LPP: variants seen among roughly 807,000 people sequenced by gnomAD.
LPP encodes lipoma-preferred partner.
Under a neutral mutation model 60.4 loss-of-function variants are expected in LPP, and 38 were observed. The ratio of observed to expected loss-of-function variants is 0.63; its 90% CI spans 0.49 to 0.83. The LOEUF is 0.83. LPP is among the 40% of genes least tolerant of loss of function. LPP has a pLI of 0.00. For synonymous variants in LPP, 328 were observed against 290.8 expected (o/e 1.13, Z -1.30); for missense variants, 902 against 783.6 (o/e 1.15, Z -1.80).
chr3:188,727,218 T>C (rs1718753688), intron 8 of LPP, among the ~76,000 whole-genome samples: 1 of 152,194 alleles, frequency 6.6e-6, no homozygotes, highest in Admixed American at 6.6e-5. Flanking sequence ...GGGATGATTA[T>C]AAAAGTGTCT....
At chr3:188,514,688 C>A (rs140134652) in intron 5 of LPP, among the ~76,000 whole-genome samples, 8 of 152,128 alleles carry the variant, frequency 5.3e-5, no homozygotes, top group African/African-American at 1.4e-4. Flanking sequence ...GTGATCCTCC[C>A]GCCTCAGCCT....
chr3:188,362,633 G>A (rs1474378175), intron 3 of LPP, among the ~76,000 whole-genome samples: 4 of 152,104 alleles, frequency 2.6e-5, no homozygotes, highest in East Asian at 1.9e-4. Context: ...GAACACACAC[G>A]TTTTCTCTTC....
intron 7 of LPP, among the ~76,000 whole-genome samples, chr3:188,700,564 A>T (rs1344609599): frequency 1.3e-5 from 2 of 152,190 alleles, no homozygotes; most frequent in Non-Finnish European, 2.9e-5. Flanking sequence ...TTCTCCACTC[A>T]GAAAAGGGGC....
intron 8 of LPP, among the ~76,000 whole-genome samples, chr3:188,718,309 A>G (rs1490591930): frequency 6.6e-6 from 1 of 152,246 alleles, no homozygotes; most frequent in Non-Finnish European, 1.5e-5. Context: ...AGTAATGGAC[A>G]GTCTCCGATG....
chr3:188,496,811 T>C (rs1223048507), intron 5 of LPP, among the ~76,000 whole-genome samples: 1 of 152,226 alleles, frequency 6.6e-6, no homozygotes, highest in Non-Finnish European at 1.5e-5. Flanking sequence ...AATGTATCTC[T>C]ACATATTGGA....
At chr3:188,293,319 C>G (rs1746672628) in intron 2 of LPP, among the ~76,000 whole-genome samples, 1 of 152,220 alleles carries the variant, frequency 6.6e-6, no homozygotes, top group Non-Finnish European at 1.5e-5. Context: ...CCGCCTGGGG[C>G]TCTGTAACTA....
intron 2 of LPP, among the ~76,000 whole-genome samples, chr3:188,308,731 A>G (rs1416893671): frequency 6.6e-6 from 1 of 152,184 alleles, no homozygotes; most frequent in Admixed American, 6.5e-5. Flanking sequence ...TAGAGAGTAG[A>G]TAGAGCCTTG....
In LPP at chr3:188,404,138, CTTCT is replaced by C. The variant is rs147116050; in HGVS notation, c.-9-1971_-9-1968del. 4.2e-4 allele frequency among the ~76,000 whole-genome samples: 64 copies of C among 152,262 alleles called. No individual in the cohort carries two copies. The East Asian group carries it at 0.012, about 28-fold the overall frequency. On this transcript the variant is annotated intron_variant, in intron 3 of 11. Transcript: ENST00000617246. ...CATTGACTTTCTACAAGAATAGAGG[CTTCT>C]TTTTTTCTCACTTTGCATAGCACTC...
At chr3:188,297,851 A>G (rs1748452286) in intron 2 of LPP, among the ~76,000 whole-genome samples, 2 of 152,196 alleles carry the variant, frequency 1.3e-5, no homozygotes, top group Admixed American at 1.3e-4. Flanking sequence ...AGAGGTACTT[A>G]GTTGAGCTCA....
intron 2 of LPP, among the ~76,000 whole-genome samples, chr3:188,338,982 A>T (rs538573836): frequency 6.6e-6 from 1 of 151,096 alleles, no homozygotes; most frequent in South Asian, 2.1e-4. Context: ...CTTTTTCTTT[A>T]CCCCCTGTTA....
intron 8 of LPP, chr3:188,725,455 T>G (rs995063769): frequency 5.3e-5 from 8 of 152,232 alleles, no homozygotes; most frequent in African/African-American, 1.9e-4. Context: ...AGCATTGCAG[T>G]CACTTTCGAA....
chr3:188,757,239 G>A (rs370279794), intron 8 of LPP, among the ~76,000 whole-genome samples: 1 of 151,874 alleles, frequency 6.6e-6, no homozygotes, highest in African/African-American at 2.4e-5. Flanking sequence ...TGACATCGTC[G>A]AATTCATTTT....
intron 7 of LPP, among the ~76,000 whole-genome samples, chr3:188,687,103 G>A (rs1366453920): frequency 2.0e-5 from 3 of 152,168 alleles, no homozygotes; most frequent in Non-Finnish European, 2.9e-5. Context: ...GAATATATCT[G>A]GTTATAGCTT....
At chr3:188,818,848 C>T (rs1172486780) in intron 9 of LPP, among the ~76,000 whole-genome samples, 1 of 152,156 alleles carries the variant, frequency 6.6e-6, no homozygotes, top group Non-Finnish European at 1.5e-5. Flanking sequence ...ACCTAATATA[C>T]ACCAGCTTCC....
chr3:188,622,350 G>A (rs1845956020), intron 7 of LPP, among the ~76,000 whole-genome samples: 1 of 152,178 alleles, frequency 6.6e-6, no homozygotes, highest in Non-Finnish European at 1.5e-5. Context: ...TCATTTTCCA[G>A]AACTAACATT....
At chr3:188,215,542 G>A (rs1254523353) in intron 1 of LPP, among the ~76,000 whole-genome samples, 1 of 152,092 alleles carries the variant, frequency 6.6e-6, no homozygotes, top group Non-Finnish European at 1.5e-5. Context: ...TTGTCTTTTT[G>A]TGACTGGCTT....
At chr3:188,260,604 T>C (rs1418828832) in intron 2 of LPP, among the ~76,000 whole-genome samples, 2 of 152,114 alleles carry the variant, frequency 1.3e-5, no homozygotes, top group African/African-American at 4.8e-5. Flanking sequence ...AAGGACCTCA[T>C]GGCTGCATAA....
At chr3:188,236,626 A>T (rs4459895) in intron 2 of LPP, among the ~76,000 whole-genome samples, 1 of 152,124 alleles carries the variant, frequency 6.6e-6, no homozygotes, top group African/African-American at 2.4e-5. Flanking sequence ...ACACAAAATT[A>T]TTGGTTCCCA....
chr3:188,693,521 G>A (rs1417863455), intron 7 of LPP, among the ~76,000 whole-genome samples: 2 of 152,126 alleles, frequency 1.3e-5, no homozygotes, highest in African/African-American at 4.8e-5. Flanking sequence ...CAAGATAGAG[G>A]CCAGCTTGAT....
Sources: gnomAD v4.1 joint callset for allele counts (sites outside exome capture counted in the v4.1 genomes callset) on GRCh38, gnomAD v4.1.1 for gene constraint, MANE v1.5 for transcripts, NCBI Gene and HGNC (gene_info 2026-07-23, HGNC 2026-07-21) for gene names.